LRRTM4: variants seen among roughly 807,000 people sequenced by gnomAD.
The protein encoded by LRRTM4 is leucine-rich repeat transmembrane neuronal protein 4.
LRRTM4 carries 25 observed loss-of-function variants against 47.6 expected under a neutral mutation model. The ratio of observed to expected loss-of-function variants is 0.53; its 90% CI spans 0.38 to 0.73. The LOEUF (loss-of-function observed/expected upper bound fraction) is 0.73. LRRTM4 is among the 30% of genes least tolerant of loss of function. LRRTM4 has a pLI of 0.00. For missense variants in LRRTM4, 638 were observed against 713.4 expected, an observed-to-expected ratio of 0.89 and a Z score of 1.20; for synonymous variants, 311 against 269.5, an observed-to-expected ratio of 1.15 and a Z score of -1.51.
intron 3 of LRRTM4, among the ~76,000 whole-genome samples, chr2:77,192,425 A>T (rs79875655): frequency 1.0e-3 from 159 of 151,630 alleles, no homozygotes; most frequent in Non-Finnish European, 1.8e-3. Context: ...TTCCTAATTT[A>T]AAAAAAAATT....
chr2:77,182,075 A>T (rs1673362961), intron 3 of LRRTM4, among the ~76,000 whole-genome samples: 1 of 152,188 alleles, frequency 6.6e-6, no homozygotes, highest in Admixed American at 6.6e-5. Context: ...TACTGGGTAT[A>T]TACCCAAAGG....
At chr2:77,062,677 C>G in intron 3 of LRRTM4, among the ~76,000 whole-genome samples, 1 of 152,028 alleles carries the variant, frequency 6.6e-6, no homozygotes, top group Admixed American at 6.6e-5. Context: ...TTCTCTCTGT[C>G]TCTGTCTCTA....
chr2:77,188,294 A>G (rs1178036655), intron 3 of LRRTM4, among the ~76,000 whole-genome samples: 3 of 152,130 alleles, frequency 2.0e-5, no homozygotes, highest in East Asian at 1.9e-4. Context: ...TTTCCCCTCT[A>G]TGGGGAAAAT....
intron 3 of LRRTM4, among the ~76,000 whole-genome samples, chr2:77,443,041 T>C (rs144396282): frequency 1.8e-3 from 273 of 152,202 alleles, no homozygotes; most frequent in African/African-American, 6.4e-3. Context: ...GTTAGCAAAA[T>C]AGCAACGTGC....
At chr2:77,014,896 A>T (rs1678004624) in intron 3 of LRRTM4, among the ~76,000 whole-genome samples, 1 of 151,976 alleles carries the variant, frequency 6.6e-6, no homozygotes, top group African/African-American at 2.4e-5. Flanking sequence ...CATTTTTTTC[A>T]AAGAGATTTT....
chr2:77,380,687 T>C (rs941088597), intron 3 of LRRTM4, among the ~76,000 whole-genome samples: 2 of 151,574 alleles, frequency 1.3e-5, no homozygotes, highest in African/African-American at 4.8e-5. Flanking sequence ...TCTCAGCTAC[T>C]AGGGAGGCTA....
At chr2:76,769,005 G>A (rs1678265729) in intron 3 of LRRTM4, among the ~76,000 whole-genome samples, 1 of 152,106 alleles carries the variant, frequency 6.6e-6, no homozygotes, top group African/African-American at 2.4e-5. Flanking sequence ...TTTGAACAAA[G>A]ATACCAAACG....
chr2:76,971,509 C>A (rs1241835909), intron 3 of LRRTM4, among the ~76,000 whole-genome samples: 1 of 151,986 alleles, frequency 6.6e-6, no homozygotes, highest in Non-Finnish European at 1.5e-5. Context: ...AGGTAACTGG[C>A]ATCAGGGGTG....
intron 3 of LRRTM4, among the ~76,000 whole-genome samples, chr2:77,453,663 T>C (rs1382098943): frequency 6.6e-6 from 1 of 152,170 alleles, no homozygotes; most frequent in African/African-American, 2.4e-5. Flanking sequence ...TCTAAAGTAA[T>C]GTTATATTTT....
At chr2:77,358,618 T>C (rs927388993) in intron 3 of LRRTM4, among the ~76,000 whole-genome samples, 1 of 152,248 alleles carries the variant, frequency 6.6e-6, no homozygotes, top group Non-Finnish European at 1.5e-5. Context: ...AATTATTAGA[T>C]GTTGAAGTAC....
intron 3 of LRRTM4, among the ~76,000 whole-genome samples, chr2:77,105,007 A>C (rs1671058819): frequency 6.6e-6 from 1 of 152,138 alleles, no homozygotes; most frequent in South Asian, 2.1e-4. Flanking sequence ...ACCCTACCCC[A>C]ATAACGTTTG....
At chr2:77,270,654 T>C (rs905421487) in intron 3 of LRRTM4, among the ~76,000 whole-genome samples, 1 of 152,216 alleles carries the variant, frequency 6.6e-6, no homozygotes, top group Non-Finnish European at 1.5e-5. Context: ...CCCTCTCTTA[T>C]GATAGTGACG....
At chr2:77,151,156 T>A in intron 3 of LRRTM4, among the ~76,000 whole-genome samples, 1 of 152,010 alleles carries the variant, frequency 6.6e-6, no homozygotes, top group East Asian at 1.9e-4. Context: ...TATGTGTATA[T>A]GTGTGTATGT....
chr2:77,273,568 A>G (rs1376496360), intron 3 of LRRTM4, among the ~76,000 whole-genome samples: 1 of 152,198 alleles, frequency 6.6e-6, no homozygotes, highest in Non-Finnish European at 1.5e-5. Context: ...AACCTATAAT[A>G]AGACAAACAG....
intron 3 of LRRTM4, among the ~76,000 whole-genome samples, chr2:77,081,250 ACACAC>A (rs1680521415): frequency 1.4e-5 from 1 of 70,450 alleles, no homozygotes; most frequent in African/African-American, 2.8e-4. Context: ...TGACAGCAAC[ACACAC>A]ACACACACAC....
intron 3 of LRRTM4, among the ~76,000 whole-genome samples, chr2:77,398,274 G>A (rs290024): frequency 6.6e-6 from 1 of 151,598 alleles, no homozygotes; most frequent in South Asian, 2.1e-4. Flanking sequence ...TAATACATAA[G>A]AATGCTAAAA....
At chr2:77,159,933 T>C (rs1271776594) in intron 3 of LRRTM4, among the ~76,000 whole-genome samples, 1 of 152,212 alleles carries the variant, frequency 6.6e-6, no homozygotes, top group Non-Finnish European at 1.5e-5. Flanking sequence ...ACAATTCAGA[T>C]TGTGTAATGT....
intron 3 of LRRTM4, among the ~76,000 whole-genome samples, chr2:76,999,416 A>C (rs1381802378): frequency 2.0e-5 from 3 of 151,256 alleles, no homozygotes; most frequent in Non-Finnish European, 4.4e-5. Context: ...AAAATGCTTA[A>C]ATCCAGGAAG....
intron 3 of LRRTM4, among the ~76,000 whole-genome samples, chr2:77,270,652 T>G (rs1405816716): frequency 6.6e-6 from 1 of 152,194 alleles, no homozygotes; most frequent in Non-Finnish European, 1.5e-5. Context: ...CACCCTCTCT[T>G]ATGATAGTGA....
Sources: allele counts gnomAD v4.1 joint callset (sites outside exome capture counted in the v4.1 genomes callset), GRCh38; gene constraint gnomAD v4.1.1; transcripts MANE v1.5; gene names NCBI Gene and HGNC (gene_info 2026-07-23, HGNC 2026-07-21).